PAPPA2: variants seen among roughly 807,000 people sequenced by gnomAD.
The protein encoded by PAPPA2 is pappalysin 2.
Under a neutral mutation model 176.4 loss-of-function variants are expected in PAPPA2, and 86 were observed. The observed-to-expected ratio is 0.49, with a 90% CI of 0.41 to 0.58. PAPPA2 has a LOEUF of 0.58. Among genes scored for constraint, PAPPA2 ranks in the 20% least tolerant of loss-of-function variants. The pLI, the probability that PAPPA2 is intolerant of heterozygous loss-of-function variation, is 0.00. For synonymous variants in PAPPA2, 809 were observed against 852.2 expected (o/e 0.95, Z 0.88); for missense variants, 2,073 against 2,256.9 (o/e 0.92, Z 1.65).
chr1:176,606,606 A>G (rs761245097), intron 3 of PAPPA2, among the ~76,000 whole-genome samples: 1 of 152,124 alleles, frequency 6.6e-6, no homozygotes, highest in Non-Finnish European at 1.5e-5. Flanking sequence ...CTGGGACTAC[A>G]GATGTGCGGC....
intron 9 of PAPPA2, among the ~76,000 whole-genome samples, chr1:176,704,826 C>A (rs1399437371): frequency 2.0e-5 from 3 of 152,036 alleles, no homozygotes; most frequent in South Asian, 2.1e-4. Context: ...TCATTTTATA[C>A]TGACTGCAGA....
intron 3 of PAPPA2, among the ~76,000 whole-genome samples, chr1:176,632,292 G>A (rs1432060872): frequency 1.3e-5 from 2 of 151,278 alleles, no homozygotes; most frequent in African/African-American, 4.9e-5. Context: ...CTAGAAACAA[G>A]ACAAAATGCT....
chr1:176,567,591 T>C (rs1249455430), intron 2 of PAPPA2, among the ~76,000 whole-genome samples: 1 of 152,252 alleles, frequency 6.6e-6, no homozygotes. Flanking sequence ...TATCAAGCCT[T>C]TAACCACATG....
intron 1 of PAPPA2, among the ~76,000 whole-genome samples, chr1:176,552,464 CCTCTCCTCT>C (rs1397567205): frequency 1.3e-5 from 2 of 151,258 alleles, no homozygotes; most frequent in Non-Finnish European, 2.9e-5. Flanking sequence ...CTCCTCATCC[CCTCTCCTCT>C]CTCTCCTCGC....
At chr1:176,537,096 G>A (rs143421771) in intron 1 of PAPPA2, among the ~76,000 whole-genome samples, 2 of 152,254 alleles carry the variant, frequency 1.3e-5, no homozygotes, top group Non-Finnish European at 2.9e-5. Context: ...CCCCATTGAG[G>A]TAGACCAGAT....
At chr1:176,706,268 A>T in intron 9 of PAPPA2, 91 bp from the exon 10 acceptor site, 1 of 1,155,844 alleles carries the variant, frequency 8.7e-7, no homozygotes, top group Non-Finnish European at 1.3e-6. Flanking sequence ...TTTAATATAT[A>T]CTGAGAAATT....
intron 1 of PAPPA2, among the ~76,000 whole-genome samples, chr1:176,531,961 G>C (rs1395137003): frequency 6.6e-6 from 1 of 152,194 alleles, no homozygotes; most frequent in Non-Finnish European, 1.5e-5. Context: ...GGCCTCCTGT[G>C]TAAGGGCTGC....
intron 3 of PAPPA2, among the ~76,000 whole-genome samples, chr1:176,596,093 G>A (rs777069701): frequency 2.0e-5 from 3 of 152,190 alleles, no homozygotes; most frequent in Admixed American, 6.5e-5. Flanking sequence ...GTAAAGTTTC[G>A]TGTTACATCT....
chr1:176,695,701 C>T (rs757940089), intron 6 of PAPPA2, 37 bp from the exon 7 acceptor site: 10 of 1,610,406 alleles, frequency 6.2e-6, no homozygotes, highest in Non-Finnish European at 8.5e-6. Flanking sequence ...CTGATGGACT[C>T]TCCTCATCTC....
intron 1 of PAPPA2, among the ~76,000 whole-genome samples, chr1:176,513,508 G>A (rs993993580): frequency 6.6e-6 from 1 of 152,034 alleles, no homozygotes; most frequent in Admixed American, 6.6e-5. Context: ...AATGGAAATA[G>A]AAATTTCATT....
intron 2 of PAPPA2, among the ~76,000 whole-genome samples, chr1:176,576,205 G>T (rs1380688634): frequency 6.6e-6 from 1 of 152,166 alleles, no homozygotes; most frequent in Non-Finnish European, 1.5e-5. Context: ...CAGTGCATGA[G>T]TGTGCCCTTT....
intron 1 of PAPPA2, among the ~76,000 whole-genome samples, chr1:176,554,034 A>AT (rs1651123800): frequency 6.6e-6 from 1 of 152,064 alleles, no homozygotes; most frequent in African/African-American, 2.4e-5. Context: ...GCAGTCTAGG[A>AT]TTGAGGGGTA....
chr1:176,621,841 T>G (rs1376882153), intron 3 of PAPPA2, among the ~76,000 whole-genome samples: 1 of 152,186 alleles, frequency 6.6e-6, no homozygotes. Flanking sequence ...AAAGAACACT[T>G]CATATGAATT....
chr1:176,769,516 C>G (rs941746933), intron 15 of PAPPA2, 91 bp from the exon 16 acceptor site: 1 of 1,346,650 alleles, frequency 7.4e-7, no homozygotes, highest in Non-Finnish European at 1.0e-6. Flanking sequence ...AATGTTTAGA[C>G]AGATAATCAC....
At chr1:176,663,291 T>C (rs1371551693) in intron 3 of PAPPA2, among the ~76,000 whole-genome samples, 1 of 152,164 alleles carries the variant, frequency 6.6e-6, no homozygotes, top group East Asian at 1.9e-4. Context: ...GCTTTCTTCC[T>C]TTCTGCATTG....
intron 20 of PAPPA2, among the ~76,000 whole-genome samples, chr1:176,798,058 G>T (rs2102946631): frequency 6.6e-6 from 1 of 152,236 alleles, no homozygotes; most frequent in South Asian, 2.1e-4. Context: ...ATATGACACA[G>T]GTACCACCAA....
Position 176,574,499 on chromosome 1 carries a change from TA to T in PAPPA2, c.919+17266del, listed in dbSNP as rs1323155782. Among the ~76,000 whole-genome samples, 8 of 152,106 alleles carry T rather than the reference TA, an allele frequency of 5.3e-5. No homozygotes were observed. The East Asian group carries it at 9.7e-4, about 18-fold the overall frequency. On this transcript the variant is annotated intron_variant, in intron 2 of 22. Coordinates refer to ENST00000367662, the MANE Select transcript of PAPPA2 (RefSeq NM_020318.3). ...TTACCTAGGATATTGTTTACCATTT[TA>T]AAAAAAATTTTCAATTGACTGCTGG... is the stretch of plus-strand genomic sequence containing the variant.
At chr1:176,731,238 T>A (rs940700333) in intron 12 of PAPPA2, among the ~76,000 whole-genome samples, 22 of 152,084 alleles carry the variant, frequency 1.4e-4, no homozygotes, top group Admixed American at 6.6e-5. Context: ...TAAGTTGATG[T>A]GTTTCATTTT....
intron 12 of PAPPA2, among the ~76,000 whole-genome samples, chr1:176,731,380 A>G (rs1662133666): frequency 6.6e-6 from 1 of 151,676 alleles, no homozygotes; most frequent in Non-Finnish European, 1.5e-5. Flanking sequence ...GCTCGCTGCA[A>G]CCCCCATCTC....
Sources: allele counts gnomAD v4.1 joint callset (sites outside exome capture counted in the v4.1 genomes callset), GRCh38; gene constraint gnomAD v4.1.1; transcripts MANE v1.5; gene names NCBI Gene and HGNC (gene_info 2026-07-23, HGNC 2026-07-21).